MALRD1: variants seen among roughly 807,000 people sequenced by gnomAD.
MALRD1 encodes MAM and LDL-receptor class A domain-containing protein 1.
A neutral mutation model predicts 242.1 loss-of-function variants in MALRD1; 247 were observed. That is an observed-to-expected ratio of 1.02 (90% CI 0.92 to 1.13). The LOEUF (loss-of-function observed/expected upper bound fraction) is 1.13, where lower values mean the gene tolerates loss of function less well. Ranked by LOEUF, MALRD1 falls within the 50% of genes most tolerant of loss-of-function variation. The pLI, the probability that MALRD1 is intolerant of heterozygous loss-of-function variation, is 0.00. For synonymous variants in MALRD1, 995 were observed against 866.6 expected, an observed-to-expected ratio of 1.15 and a Z score of -2.60; for missense variants, 2,989 against 2,533.1, an observed-to-expected ratio of 1.18 and a Z score of -3.86.
chr10:19,262,639 G>A (rs1839800052), intron 19 of MALRD1, among the ~76,000 whole-genome samples: 1 of 138,858 alleles, frequency 7.2e-6, no homozygotes, highest in African/African-American at 2.7e-5. Context: ...CTGCGCGACA[G>A]AGCAAGAGTC....
At chr10:19,728,433 G>T in intron 38 of MALRD1, 1 of 152,250 alleles carries the variant, frequency 6.6e-6, no homozygotes, top group South Asian at 2.1e-4. Context: ...CCGTGGTCTG[G>T]GTCATCTGGA....
At chr10:19,398,595 A>C (rs891190801) in intron 28 of MALRD1, among the ~76,000 whole-genome samples, 3 of 152,174 alleles carry the variant, frequency 2.0e-5, no homozygotes, top group African/African-American at 7.2e-5. Flanking sequence ...AGAAAATACC[A>C]GAACTTTAGT....
intron 29 of MALRD1, among the ~76,000 whole-genome samples, chr10:19,473,977 A>C (rs1215386728): frequency 6.6e-6 from 1 of 152,068 alleles, no homozygotes; most frequent in African/African-American, 2.4e-5. Context: ...CATCTTCACC[A>C]ACACACATAT....
intron 29 of MALRD1, among the ~76,000 whole-genome samples, chr10:19,469,306 T>A (rs375993591): frequency 6.6e-6 from 1 of 152,162 alleles, no homozygotes; most frequent in Non-Finnish European, 1.5e-5. Context: ...TACATACTTT[T>A]CTCTTCTGCT....
chr10:19,389,452 G>A lies in MALRD1; in HGVS notation c.4688G>A (p.Gly1563Glu), dbSNP rs144517505. 2.1e-4 allele frequency: 333 copies of A among 1,550,004 alleles called. No individual in the cohort carries two copies. The African/African-American group carries it at 3.2e-3, about 15-fold the overall frequency. ...CTCTGAATTCTGTCCTTGTTCCTAG[G>A]GCACTTCATGTATCTGGAAGCTACT... ...PKDHTLGNENGHFMYLEATAV... is the reference protein window; with the variant it reads ...PKDHTLGNENEHFMYLEATAV... The change falls in exon 28 of 40, where the codon GGG becomes GAG. Residue 1563 changes from glycine to glutamate, a missense_variant and splice_region_variant. By Grantham distance (98) the Gly-to-Glu change is moderately conservative (BLOSUM62 -2). Transcript: ENST00000454679.
At chr10:19,182,490 A>G (rs1835552395) in intron 14 of MALRD1, among the ~76,000 whole-genome samples, 1 of 131,296 alleles carries the variant, frequency 7.6e-6, no homozygotes, top group Admixed American at 8.2e-5. Context: ...ACGCCCGGCT[A>G]ATTTTTTTTT....
chr10:19,170,441 C>G (rs1031176034), intron 13 of MALRD1, among the ~76,000 whole-genome samples: 1 of 152,050 alleles, frequency 6.6e-6, no homozygotes, highest in Non-Finnish European at 1.5e-5. Flanking sequence ...TTGAAATGAA[C>G]CTTTTGTGAA....
intron 24 of MALRD1, among the ~76,000 whole-genome samples, chr10:19,332,079 T>G (rs1366185872): frequency 1.3e-5 from 2 of 152,052 alleles, no homozygotes; most frequent in African/African-American, 2.4e-5. Context: ...TTGGCCAGGA[T>G]GGTCTTGATC....
intron 29 of MALRD1, among the ~76,000 whole-genome samples, chr10:19,463,553 A>AGTGTGTGTGTGTGT (rs142025703): frequency 6.0e-5 from 9 of 150,142 alleles, no homozygotes; most frequent in African/African-American, 2.2e-4. Flanking sequence ...GTGGCTGAGT[A>AGTGTGTGTGTGTGT]GTGTGTGTGT....
At chr10:19,205,783 A>G (rs997831591) in intron 17 of MALRD1, among the ~76,000 whole-genome samples, 37 of 152,134 alleles carry the variant, frequency 2.4e-4, no homozygotes, top group African/African-American at 8.7e-4. Flanking sequence ...TATAATAAGG[A>G]TGAAGGTGTG....
intron 33 of MALRD1, among the ~76,000 whole-genome samples, chr10:19,583,602 G>T (rs1417161174): frequency 6.6e-6 from 1 of 152,050 alleles, no homozygotes; most frequent in Non-Finnish European, 1.5e-5. Context: ...TAAGCTTTTC[G>T]ATGTGCTGCT....
At chr10:19,099,653 A>G (rs1836175752) in intron 4 of MALRD1, among the ~76,000 whole-genome samples, 2 of 151,982 alleles carry the variant, frequency 1.3e-5, no homozygotes, top group Admixed American at 1.3e-4. Flanking sequence ...AATCTTGCTG[A>G]TGTTTTGGAG....
intron 26 of MALRD1, among the ~76,000 whole-genome samples, chr10:19,354,840 G>C (rs925522680): frequency 1.3e-5 from 2 of 152,154 alleles, no homozygotes; most frequent in Admixed American, 6.6e-5. Context: ...TCACATGCTT[G>C]TATCAAAATA....
chr10:19,726,440 C>T (rs1835029645), intron 38 of MALRD1, among the ~76,000 whole-genome samples: 1 of 151,998 alleles, frequency 6.6e-6, no homozygotes, highest in Non-Finnish European at 1.5e-5. Flanking sequence ...AATTTAAAAA[C>T]TGAAAATAAC....
intron 36 of MALRD1, among the ~76,000 whole-genome samples, chr10:19,646,795 G>A (rs1840679899): frequency 6.6e-6 from 1 of 152,082 alleles, no homozygotes; most frequent in Non-Finnish European, 1.5e-5. Flanking sequence ...TTATAAAGTT[G>A]TTTTATGTGT....
chr10:19,695,143 G>A (rs536052504), intron 38 of MALRD1, among the ~76,000 whole-genome samples: 24 of 152,166 alleles, frequency 1.6e-4, no homozygotes, highest in Middle Eastern at 3.4e-3. Context: ...AATGGGTGCA[G>A]CACACCAACA....
chr10:19,463,132 A>T (rs1400914283), intron 29 of MALRD1, among the ~76,000 whole-genome samples: 5 of 152,124 alleles, frequency 3.3e-5, no homozygotes, highest in African/African-American at 9.7e-5. Flanking sequence ...ACAATTTCTT[A>T]TAAGGTAATT....
At position 19,330,289 on chromosome 10, in the gene MALRD1, T is replaced by A. The variant is rs573518257; in HGVS notation, c.3688-1080T>A. Among the ~76,000 whole-genome samples, 45 of 152,032 alleles carry A rather than the reference T, an allele frequency of 3.0e-4. 1 individual carries two copies. The highest frequency in any genetic ancestry group is 1.0e-3 in the African/African-American group (42 of 41,524). The stretch of plus-strand genomic sequence containing the variant: ...TGATTTCAATTATTCCAACCTCTCA[T>A]GTTAAGAGGAGAACACCTAGGTTCA... On this transcript the variant is annotated intron_variant, in intron 23 of 39. Coordinates refer to ENST00000454679, the MANE Select transcript of MALRD1 (RefSeq NM_001142308.3).
At chr10:19,421,397 G>A (rs1037433277) in intron 28 of MALRD1, among the ~76,000 whole-genome samples, 2 of 152,102 alleles carry the variant, frequency 1.3e-5, no homozygotes, top group African/African-American at 4.8e-5. Flanking sequence ...CTTAAGTAGG[G>A]AATAACAAGT....
Sources: gnomAD v4.1 joint callset for allele counts (sites outside exome capture counted in the v4.1 genomes callset) on GRCh38, gnomAD v4.1.1 for gene constraint, MANE v1.5 for transcripts, NCBI Gene and HGNC (gene_info 2026-07-23, HGNC 2026-07-21) for gene names.